Variants in ZNF711 observed in about 807,000 individuals in gnomAD.
ZNF711 encodes the protein zinc finger protein 711.
In ZNF711, 3 loss-of-function variants were observed where a neutral mutation model predicts 43.5. That is an observed-to-expected ratio of 0.07 (90% CI 0.03 to 0.18). The LOEUF (loss-of-function observed/expected upper bound fraction) is 0.18. ZNF711 is among the 10% of genes least tolerant of loss of function. The pLI is 1.00. For synonymous variants in ZNF711, 209 were observed against 207.7 expected (o/e 1.01, Z -0.06); for missense variants, 412 against 604.0 (o/e 0.68, Z 3.33).
At chrX:85,249,299 G>C (rs2147793007) in intron 4 of ZNF711, among the ~76,000 whole-genome samples, 1 of 111,705 alleles carries the variant, frequency 9.0e-6, no homozygotes, top group South Asian at 3.7e-4. Flanking sequence ...TTTCAGTATG[G>C]TAAATAAATT....
At chrX:85,268,810 G>A (rs68134057) in intron 9 of ZNF711, among the ~76,000 whole-genome samples, 37,035 of 109,691 alleles carry the variant, frequency 0.34, 7,100 homozygotes, top group African/African-American at 0.73. Flanking sequence ...ATATGGTGTT[G>A]TTCTCTAGTT....
chrX:85,254,375 C>T (rs1261710953), intron 4 of ZNF711, among the ~76,000 whole-genome samples: 1 of 84,520 alleles, frequency 1.2e-5, no homozygotes, highest in Non-Finnish European at 2.2e-5. Context: ...GAGGCCGAGG[C>T]GGGTGGATCA....
chrX:85,271,911 T>C lies in ZNF711; in HGVS notation c.*83T>C. 1 of 783,142 alleles carries C rather than the reference T, an allele frequency of 1.3e-6. No individual in the cohort carries two copies. Among genetic ancestry groups the C allele is most frequent in the Non-Finnish European group, 1.9e-6 (1 of 524,072 alleles). 64.5% of individuals were successfully genotyped at this position (783,142 alleles called of 1,213,427 possible). ...AACTCTCACTAACTGTCTCACCGGG[T>C]TTCAAAGCTTGATACTAAACCATGA... is the stretch of plus-strand genomic sequence containing the variant. On this transcript the variant is annotated 3_prime_UTR_variant, in exon 11 of 11. Coordinates refer to ENST00000674551, the MANE Select transcript of ZNF711 (RefSeq NM_001330574.2).
At chrX:85,266,129 G>T (rs1931077203) in intron 7 of ZNF711, among the ~76,000 whole-genome samples, 2 of 110,805 alleles carry the variant, frequency 1.8e-5, no homozygotes, top group South Asian at 7.6e-4. Flanking sequence ...GCCCTAGAAG[G>T]CTAAGAGCCT....
intron 5 of ZNF711, 101 bp from the exon 6 acceptor site, chrX:85,264,174 A>G (rs1341865983): frequency 1.6e-5 from 10 of 628,882 alleles, no homozygotes; most frequent in Non-Finnish European, 1.8e-5. Context: ...TTCACGTTAC[A>G]CTTCAGCTTA....
At chrX:85,267,571 A>AT (rs1931194134) in intron 8 of ZNF711, among the ~76,000 whole-genome samples, 156 bp downstream of exon 8, 1 of 111,747 alleles carries the variant, frequency 8.9e-6, no homozygotes, top group Admixed American at 9.5e-5. Flanking sequence ...ACTTTAGATG[A>AT]TTTTTCTACC....
At chrX:85,247,410 T>C in intron 3 of ZNF711, 137 bp from the exon 4 acceptor site, 1 of 413,904 alleles carries the variant, frequency 2.4e-6, no homozygotes, top group Non-Finnish European at 4.1e-6. Flanking sequence ...AACCATGGTT[T>C]TTCTTTGTTT....
intron 2 of ZNF711, among the ~76,000 whole-genome samples, chrX:85,246,541 G>A (rs1455626820): frequency 8.9e-6 from 1 of 111,871 alleles, no homozygotes; most frequent in Non-Finnish European, 1.9e-5. Flanking sequence ...TTTCATTAAG[G>A]TTGCAGCTTT....
chrX:85,251,336 G>GTC (rs1477067315), intron 4 of ZNF711, among the ~76,000 whole-genome samples: 2 of 111,980 alleles, frequency 1.8e-5, no homozygotes, highest in Non-Finnish European at 3.8e-5. Flanking sequence ...CCTTGCTGGT[G>GTC]TCTCAGTATA....
chrX:85,254,148 A>G (rs1035614426), intron 4 of ZNF711, among the ~76,000 whole-genome samples: 5 of 110,896 alleles, frequency 4.5e-5, no homozygotes, highest in African/African-American at 1.6e-4. Context: ...ATAAACATAT[A>G]TTTTCATTTT....
chrX:85,264,963 TTAAAG>T (rs1355047885), intron 6 of ZNF711, among the ~76,000 whole-genome samples, 150 bp from the exon 7 acceptor site: 1 of 111,713 alleles, frequency 9.0e-6, no homozygotes, highest in Non-Finnish European at 1.9e-5. Context: ...AGCTGAAAAT[TTAAAG>T]TATAATTTAT....
At chrX:85,265,058 T>C (rs1289109219) in intron 6 of ZNF711, 60 bp from the exon 7 acceptor site, 37 of 1,024,425 alleles carry the variant, frequency 3.6e-5, no homozygotes, top group Non-Finnish European at 4.9e-5. Context: ...ATTCTTCTTA[T>C]TAATTTAGGT....
intron 4 of ZNF711, among the ~76,000 whole-genome samples, chrX:85,255,042 G>C (rs1233828533): frequency 1.8e-5 from 2 of 111,400 alleles, no homozygotes; most frequent in Non-Finnish European, 3.8e-5. Flanking sequence ...AGGTCTTCAT[G>C]TAGATTTTAC....
At chrX:85,265,384 C>T (rs1346933119) in intron 7 of ZNF711, 129 bp downstream of exon 7, 3 of 709,994 alleles carry the variant, frequency 4.2e-6, no homozygotes, top group Non-Finnish European at 6.3e-6. Flanking sequence ...TGACCCTTTG[C>T]TGTAAATAAT....
At chrX:85,260,343 G>A (rs1169325637) in intron 5 of ZNF711, among the ~76,000 whole-genome samples, 3 of 110,795 alleles carry the variant, frequency 2.7e-5, no homozygotes, top group African/African-American at 6.5e-5. Context: ...TTTGTATAAA[G>A]CAAAATATCT....
Position 85,271,114 on chromosome X carries a change from G to A in ZNF711, c.1710G>A (p.Met570Ile), listed in dbSNP as rs1931537316. The A allele has an allele frequency of 8.3e-7, 1 of 1,209,113 alleles. No individual in the cohort carries two copies. The change falls in exon 11 of 11, where the codon ATG becomes ATA. Residue 570 changes from methionine (M) to isoleucine (I), a missense_variant. Coordinates refer to ENST00000674551, the MANE Select transcript of ZNF711 (RefSeq NM_001330574.2). ...FRHPSELKKHMRTHTGEKPYQ... is the reference protein window; with the variant it reads ...FRHPSELKKHIRTHTGEKPYQ... ...ATCCTTCTGAACTCAAGAAACATAT[G>A]AGAACCCATACTGGTGAGAAGCCAT...
intron 4 of ZNF711, among the ~76,000 whole-genome samples, chrX:85,249,063 T>A (rs981307229): frequency 3.6e-5 from 4 of 112,112 alleles, no homozygotes; most frequent in Non-Finnish European, 7.5e-5. Flanking sequence ...AGTACAATAT[T>A]GGATGTGAGT....
intron 5 of ZNF711, among the ~76,000 whole-genome samples, chrX:85,260,319 T>G (rs1311999558): frequency 9.0e-6 from 1 of 110,632 alleles, no homozygotes; most frequent in East Asian, 2.8e-4. Context: ...GGATTCTTGC[T>G]TAAGGAACAT....
Position 85,265,140 on chromosome X carries a change from G to C in ZNF711, c.801G>C (p.Glu267Asp). ...VEIGGTEIVT[E>D]SEYTSGHSVA... ...AAGGTGGAACAGAAATTGTCACAGAGAGTGAGTACACCAGTGGACATTCAG... is the reference window on the plus strand; with the variant it reads ...AAGGTGGAACAGAAATTGTCACAGACAGTGAGTACACCAGTGGACATTCAG... The change falls in exon 7 of 11, where the codon GAG (glutamate) becomes GAC (aspartate). Residue 267 changes from glutamate to aspartate, a missense_variant. Physicochemically the swap from Glu to Asp is conservative, Grantham distance 45. Around this residue, in one of 4 missense-constraint regions of ZNF711, gnomAD observed 375 missense variants for 514.2 expected, o/e 0.73. Coordinates refer to ENST00000674551, the MANE Select transcript of ZNF711 (RefSeq NM_001330574.2). The C allele has an allele frequency of 8.3e-7, 1 of 1,208,431 alleles. No homozygotes were observed. The highest frequency in any genetic ancestry group is 1.7e-5 in the African/African-American group (1 of 57,493).
Sources: gnomAD v4.1 joint callset for allele counts (sites outside exome capture counted in the v4.1 genomes callset) on GRCh38, gnomAD v4.1.1 for gene constraint, gnomAD v4.1.1 regional missense constraint, MANE v1.5 for transcripts, NCBI Gene and HGNC (gene_info 2026-07-23, HGNC 2026-07-21) for gene names.